Variants in ZYG11B observed in about 807,000 individuals in gnomAD.
ZYG11B encodes zyg-11 family member B, cell cycle regulator.
Under a neutral mutation model 82.4 loss-of-function variants are expected in ZYG11B, and 36 were observed. The observed-to-expected ratio is 0.44, with a 90% CI of 0.33 to 0.58. The LOEUF (loss-of-function observed/expected upper bound fraction) is 0.58, where lower values mean the gene tolerates loss of function less well. Among genes scored for constraint, ZYG11B ranks in the 20% least tolerant of loss-of-function variants. ZYG11B has a pLI of 0.02. For missense variants in ZYG11B, 552 were observed against 895.6 expected (o/e 0.62, Z 4.90); for synonymous variants, 303 against 312.8 (o/e 0.97, Z 0.33).
chr1:52,773,897 C>T (rs1644780376), intron 3 of ZYG11B, among the ~76,000 whole-genome samples: 2 of 151,456 alleles, frequency 1.3e-5, no homozygotes, highest in South Asian at 4.2e-4. Context: ...CCTGTCTTGG[C>T]CTTCCAAAGT....
At chr1:52,783,997 T>TATATATAGAG (rs543071878) in intron 4 of ZYG11B, among the ~76,000 whole-genome samples, 22 of 142,426 alleles carry the variant, frequency 1.5e-4, no homozygotes, top group African/African-American at 5.7e-4. Context: ...TATATATATA[T>TATATATAGAG]AGAGAGAGAG....
chr1:52,820,299 T>C (rs1645272252), intron 13 of ZYG11B, among the ~76,000 whole-genome samples: 1 of 152,048 alleles, frequency 6.6e-6, no homozygotes, highest in Non-Finnish European at 1.5e-5. Context: ...GGTTCCTACC[T>C]TGTGGGCTTA....
rs1645077908 is a variant in ZYG11B, at chr1:52,801,804, T to G, written c.1486-15T>G. The G allele has an allele frequency of 4.1e-6, 6 of 1,459,018 alleles. No homozygotes were observed. Among genetic ancestry groups the G allele is most frequent in the East Asian group, 2.9e-5 (1 of 34,472 alleles). 90.4% of individuals were successfully genotyped at this position (1,459,018 alleles called of 1,614,324 possible). On this transcript the variant is annotated splice_polypyrimidine_tract_variant and intron_variant, in intron 8 of 13. Transcript: ENST00000294353. ...TTCAAAAGTGAAAACTTATTTCTGT[T>G]TTTTTTTTTTTCAGCAACTTCTTCA...
At chr1:52,729,957 A>T (rs1423517121) in intron 1 of ZYG11B, among the ~76,000 whole-genome samples, 1 of 151,988 alleles carries the variant, frequency 6.6e-6, no homozygotes, top group Non-Finnish European at 1.5e-5. Context: ...ACAGGTGCCC[A>T]TCATCACACC....
chr1:52,794,587 A>G (rs1047339679), intron 6 of ZYG11B, among the ~76,000 whole-genome samples: 3 of 152,200 alleles, frequency 2.0e-5, no homozygotes, highest in Non-Finnish European at 2.9e-5. Flanking sequence ...TGGGGATTCA[A>G]GTGAGTGTGC....
At chr1:52,801,796 A>G (rs746205320) in intron 8 of ZYG11B, 23 bp from the exon 9 acceptor site, 5 of 1,548,842 alleles carry the variant, frequency 3.2e-6, no homozygotes, top group Admixed American at 3.9e-5. Context: ...GTGAAAACTT[A>G]TTTCTGTTTT....
chr1:52,822,714 A>G lies in ZYG11B; in HGVS notation c.*1085A>G, dbSNP rs191413738. On this transcript the variant is annotated 3_prime_UTR_variant, in exon 14 of 14. Transcript: ENST00000294353. ...GCCAAAAATGAAAGAAAATAATTAA[A>G]CTCTTTAAATGATTAAATGTAATGA... 2.5e-4 allele frequency: 38 copies of G among 152,292 alleles called. No individual in the cohort carries two copies. The highest frequency in any genetic ancestry group is 8.7e-4 in the African/African-American group (36 of 41,554). 9.4% of individuals were successfully genotyped at this position (152,292 alleles called of 1,614,324 possible). A position where few individuals can be genotyped will look rare whatever the true frequency, so the allele number is the denominator to read the frequency against.
chr1:52,820,602 T>G (rs1645274463), intron 13 of ZYG11B, among the ~76,000 whole-genome samples: 1 of 150,118 alleles, frequency 6.7e-6, no homozygotes, highest in South Asian at 2.1e-4. Flanking sequence ...GAGCCAAAAT[T>G]GTGCCATTGG....
intron 10 of ZYG11B, among the ~76,000 whole-genome samples, chr1:52,803,173 CATATATATATATAT>C (rs754709420): frequency 2.5e-4 from 14 of 55,460 alleles, no homozygotes; most frequent in East Asian, 2.3e-3. Context: ...TATATACACA[CATATATATATATAT>C]ACACATATAT....
At chr1:52,742,841 CAAA>C (rs746756692) in intron 1 of ZYG11B, among the ~76,000 whole-genome samples, 1 of 100,122 alleles carries the variant, frequency 1.0e-5, no homozygotes, top group Non-Finnish European at 2.4e-5. Flanking sequence ...GCCTCCGTCT[CAAA>C]AAAAAAAAAA....
At chr1:52,735,229 A>G (rs6699661) in intron 1 of ZYG11B, among the ~76,000 whole-genome samples, 76,347 of 151,328 alleles carry the variant, frequency 0.5, 19,401 homozygotes, top group East Asian at 0.62. Context: ...GGGTTTCTCC[A>G]TGTTGGTCAG....
chr1:52,816,526 C>T lies in ZYG11B; in HGVS notation c.1947-6C>T. The T allele has an allele frequency of 6.3e-7, 1 of 1,595,024 alleles. No homozygotes were observed. The highest frequency in any genetic ancestry group is 8.6e-7 in the Non-Finnish European group (1 of 1,167,988). On this transcript the variant is annotated splice_polypyrimidine_tract_variant and splice_region_variant and intron_variant, in intron 12 of 13. Coordinates refer to ENST00000294353, the MANE Select transcript of ZYG11B (RefSeq NM_024646.3). ...TAACTTTGATTCTTTTCTTTTGAAC[C>T]TTTAGGTCCTTTAATCCATTTTTCC...
At chr1:52,817,488 T>A (rs1351623141) in intron 13 of ZYG11B, among the ~76,000 whole-genome samples, 1 of 151,850 alleles carries the variant, frequency 6.6e-6, no homozygotes, top group East Asian at 1.9e-4. Context: ...ACGTCCAGGC[T>A]CAGATGATCC....
chr1:52,781,976 A>G (rs1174225155), intron 4 of ZYG11B, among the ~76,000 whole-genome samples: 1 of 152,102 alleles, frequency 6.6e-6, no homozygotes, highest in Non-Finnish European at 1.5e-5. Flanking sequence ...ACAGAAGACT[A>G]GATCTCTAGT....
intron 10 of ZYG11B, among the ~76,000 whole-genome samples, chr1:52,812,307 T>C (rs906291322): frequency 2.0e-5 from 3 of 152,188 alleles, no homozygotes; most frequent in African/African-American, 7.2e-5. Flanking sequence ...TATTTTTCTC[T>C]AAAGAGTCTT....
intron 10 of ZYG11B, among the ~76,000 whole-genome samples, chr1:52,802,913 C>T (rs1308449813): frequency 3.3e-5 from 5 of 150,698 alleles, no homozygotes; most frequent in South Asian, 2.1e-4. Flanking sequence ...CTAGTTACTC[C>T]GGAGGCTGAG....
intron 2 of ZYG11B, among the ~76,000 whole-genome samples, chr1:52,762,986 G>GC (rs1644647402): frequency 1.4e-5 from 2 of 138,014 alleles, no homozygotes; most frequent in African/African-American, 2.6e-5. Flanking sequence ...TGGGGGGGGG[G>GC]GGTCTAGTTT....
rs558925055 is a variant in ZYG11B, at chr1:52,755,740, G to T, written c.31-718G>T. The stretch of plus-strand genomic sequence containing the variant: ...GGCTGGTCTCGAACTCCCGACCTCA[G>T]GTGATCCACCTGCCTCGGCCTCCCA... On this transcript the variant is annotated intron_variant, in intron 1 of 13. Transcript: ENST00000294353. Among the ~76,000 whole-genome samples the T allele has an allele frequency of 1.5e-4, 23 of 149,970 alleles. No homozygotes were observed. In the South Asian group the frequency reaches 4.9e-3, roughly 32 times the overall value.
intron 1 of ZYG11B, among the ~76,000 whole-genome samples, chr1:52,755,810 T>C (rs923928229): frequency 6.6e-6 from 1 of 151,960 alleles, no homozygotes; most frequent in Non-Finnish European, 1.5e-5. Flanking sequence ...CGGCTTTGTT[T>C]GTTTTTTGAG....
Sources: allele counts gnomAD v4.1 joint callset (sites outside exome capture counted in the v4.1 genomes callset), GRCh38; gene constraint gnomAD v4.1.1; transcripts MANE v1.5; gene names NCBI Gene and HGNC (gene_info 2026-07-23, HGNC 2026-07-21).